EEF2K: variants seen among roughly 807,000 people sequenced by gnomAD.
EEF2K encodes alternative protein EEF2K.
Under a neutral mutation model 93.8 loss-of-function variants are expected in EEF2K, and 70 were observed. The ratio of observed to expected loss-of-function variants is 0.75; its 90% CI spans 0.62 to 0.91. The LOEUF is 0.91. EEF2K is among the 40% of genes least tolerant of loss of function. The pLI is 0.00. For missense variants in EEF2K, 935 were observed against 972.9 expected (o/e 0.96, Z 0.52); for synonymous variants, 376 against 380.8 (o/e 0.99, Z 0.15).
intron 13 of EEF2K, chr16:22,265,231 A>G (rs960492699): frequency 2.0e-5 from 4 of 195,480 alleles, no homozygotes; most frequent in Admixed American, 5.6e-5. Context: ...TCTCATCCCC[A>G]TTTTATGTAT....
intron 2 of EEF2K, among the ~76,000 whole-genome samples, chr16:22,234,866 GT>G (rs1215183170): frequency 6.8e-5 from 7 of 103,054 alleles, no homozygotes; most frequent in African/African-American, 1.5e-4. Context: ...TAAGCATAAT[GT>G]TTTTTGTTGC....
At chr16:22,225,996 A>G (rs776119241) in intron 2 of EEF2K, 21 bp downstream of exon 2, 1 of 1,610,712 alleles carries the variant, frequency 6.2e-7, no homozygotes, top group Non-Finnish European at 8.5e-7. Flanking sequence ...CACCTATTCC[A>G]CCTTCCCCAC....
rs59993193 is a variant in EEF2K, at chr16:22,264,289, CAAAAAAAAAA to C, written c.1378-510_1378-501del. Among the ~76,000 whole-genome samples the C allele has an allele frequency of 1.1e-3, 45 of 39,920 alleles. No homozygotes were observed. The South Asian group carries it at 0.037, about 33-fold the overall frequency. 26.2% of individuals were successfully genotyped at this position (39,920 alleles called of 152,430 possible). A position where few individuals can be genotyped will look rare whatever the true frequency, so the allele number is the denominator to read the frequency against. On this transcript the variant is annotated intron_variant, in intron 12 of 17. Coordinates refer to ENST00000263026, the MANE Select transcript of EEF2K (RefSeq NM_013302.5). ...CCTGGACCACAGAGTGAGACTGTCT[CAAAAAAAAAA>C]AAAAAAAAAAAAAAAAAAGTAAAAC...
intron 1 of EEF2K, among the ~76,000 whole-genome samples, chr16:22,218,936 T>TAAAAAA (rs11370005): frequency 8.9e-6 from 1 of 111,978 alleles, no homozygotes; most frequent in South Asian, 2.7e-4. Flanking sequence ...ACAAAAAAAT[T>TAAAAAA]AAAAAAAAAA....
chr16:22,257,811 T>C, intron 9 of EEF2K, 41 bp downstream of exon 9: 1 of 1,603,782 alleles, frequency 6.2e-7, no homozygotes, highest in Non-Finnish European at 8.5e-7. Context: ...GGCAGGCCCT[T>C]CTGCTACTTG....
intron 16 of EEF2K, 104 bp downstream of exon 16, chr16:22,273,854 A>G: frequency 4.0e-6 from 6 of 1,510,534 alleles, no homozygotes; most frequent in Non-Finnish European, 5.3e-6. Context: ...TGGCTGCCCC[A>G]TGACCAGTCC....
chr16:22,212,689 G>T (rs991211250), intron 1 of EEF2K, among the ~76,000 whole-genome samples: 1 of 152,080 alleles, frequency 6.6e-6, no homozygotes, highest in African/African-American at 2.4e-5. Flanking sequence ...GGGTTGGGGA[G>T]GGCTCCTTAA....
chr16:22,273,739 C>G lies in EEF2K; in HGVS notation c.1878C>G (p.Leu626=). 1 of 1,613,694 alleles carries G rather than the reference C, an allele frequency of 6.2e-7. No homozygotes were observed. Among genetic ancestry groups the G allele is most frequent in the Non-Finnish European group, 8.5e-7 (1 of 1,179,842 alleles). ...GAGCTTTTGACTCTGGCCAGAACCT[C>G]AGCCCGGACAGGTACTGCAGCTGTC... The part of the protein sequence containing the change: ...VARAFDSGQN[L]SPDRCQDWLE... Residue 626 remains leucine, a synonymous_variant, in exon 16 of 18, where the codon CTC becomes CTG. Coordinates refer to ENST00000263026, the MANE Select transcript of EEF2K (RefSeq NM_013302.5).
chr16:22,263,730 A>G (rs1380586114), intron 12 of EEF2K, among the ~76,000 whole-genome samples: 1 of 152,220 alleles, frequency 6.6e-6, no homozygotes, highest in Non-Finnish European at 1.5e-5. Context: ...AATGGCTGAC[A>G]AATCTTATGG....
chr16:22,275,236 G>A (rs1316353876), intron 16 of EEF2K, among the ~76,000 whole-genome samples: 1 of 152,064 alleles, frequency 6.6e-6, no homozygotes, highest in African/African-American at 2.4e-5. Context: ...CATTTGAGGT[G>A]ATAAGTTTTT....
intron 1 of EEF2K, among the ~76,000 whole-genome samples, chr16:22,222,019 A>G (rs1247045895): frequency 1.3e-5 from 2 of 152,064 alleles, no homozygotes; most frequent in Non-Finnish European, 1.5e-5. Flanking sequence ...GCAGTGAGCC[A>G]AGATTGTGCC....
intron 2 of EEF2K, among the ~76,000 whole-genome samples, chr16:22,238,649 CAAAAA>C: frequency 1.3e-5 from 1 of 75,644 alleles, no homozygotes; most frequent in Non-Finnish European, 2.6e-5. Flanking sequence ...TACCTGGTCT[CAAAAA>C]AAAAGAAAAA....
At chr16:22,231,827 T>TA (rs2047118130) in intron 2 of EEF2K, among the ~76,000 whole-genome samples, 1 of 151,164 alleles carries the variant, frequency 6.6e-6, no homozygotes, top group South Asian at 2.1e-4. Flanking sequence ...CTGTCACTAC[T>TA]AAAAATACAA....
intron 3 of EEF2K, among the ~76,000 whole-genome samples, chr16:22,246,933 G>A (rs1239907416): frequency 3.4e-5 from 5 of 148,870 alleles, no homozygotes; most frequent in African/African-American, 1.2e-4. Flanking sequence ...AGCTACTCAG[G>A]AGGCTAAGGC....
intron 12 of EEF2K, 60 bp downstream of exon 12, chr16:22,263,247 A>G (rs1280709327): frequency 1.3e-6 from 2 of 1,496,772 alleles, no homozygotes; most frequent in African/African-American, 2.8e-5. Context: ...TCCTCCAGGA[A>G]AATGAAAACT....
intron 2 of EEF2K, 134 bp downstream of exon 2, chr16:22,226,109 T>C (rs2047061248): frequency 2.3e-6 from 3 of 1,317,962 alleles, no homozygotes; most frequent in Admixed American, 2.6e-5. Flanking sequence ...GCTGAGGATA[T>C]ACTTGTTAAG....
At position 22,284,099 on chromosome 16, in the gene EEF2K, T is replaced by A; in HGVS notation, c.*103T>A. ...TTAGTTTGGGGAGGGGAAGCATTTT[T>A]AAGTGTGTTGTAAAATCAAATTTTA... is the stretch of plus-strand genomic sequence containing the variant. On this transcript the variant is annotated 3_prime_UTR_variant, in exon 18 of 18. Coordinates refer to ENST00000263026, the MANE Select transcript of EEF2K (RefSeq NM_013302.5). 9.5e-7 allele frequency: 1 copy of A among 1,047,760 alleles called. No individual in the cohort carries two copies. The highest frequency in any genetic ancestry group is 1.5e-5 in the South Asian group (1 of 65,670). 64.9% of individuals were successfully genotyped at this position (1,047,760 alleles called of 1,614,324 possible). A position where few individuals can be genotyped will look rare whatever the true frequency, so the allele number is the denominator to read the frequency against.
intron 13 of EEF2K, chr16:22,265,176 TCA>T (rs1219543544): frequency 7.0e-6 from 2 of 287,472 alleles, no homozygotes; most frequent in African/African-American, 2.1e-5. Context: ...TTCGCAGTAA[TCA>T]GTTTCCTTCT....
intron 4 of EEF2K, among the ~76,000 whole-genome samples, chr16:22,250,099 G>A (rs2047334093): frequency 6.6e-6 from 1 of 150,930 alleles, no homozygotes; most frequent in African/African-American, 2.4e-5. Flanking sequence ...ATTTGTAGAG[G>A]GAGGTCTTGC....
Sources: allele counts gnomAD v4.1 joint callset (sites outside exome capture counted in the v4.1 genomes callset), GRCh38; gene constraint gnomAD v4.1.1; transcripts MANE v1.5; gene names NCBI Gene and HGNC (gene_info 2026-07-23, HGNC 2026-07-21).